ERBB4: variants seen among roughly 807,000 people sequenced by gnomAD.
ERBB4 encodes the protein receptor tyrosine-protein kinase erbB-4.
A neutral mutation model predicts 158.0 loss-of-function variants in ERBB4; 42 were observed. The ratio of observed to expected loss-of-function variants is 0.27; its 90% CI spans 0.21 to 0.34. ERBB4 has a LOEUF of 0.34. Ranked by LOEUF, ERBB4 falls within the 10% of genes least tolerant of loss-of-function variation. The pLI is 1.00. For synonymous variants in ERBB4, 583 were observed against 558.7 expected (o/e 1.04, Z -0.61); for missense variants, 1,333 against 1,624.1 (o/e 0.82, Z 3.08).
At chr2:211,607,996 G>A (rs1277565680) in intron 19 of ERBB4, among the ~76,000 whole-genome samples, 1 of 151,046 alleles carries the variant, frequency 6.6e-6, no homozygotes, top group African/African-American at 2.4e-5. Flanking sequence ...AACAAGCTGG[G>A]ACTATAGGCA....
At chr2:211,999,854 G>A (rs1242694301) in intron 2 of ERBB4, among the ~76,000 whole-genome samples, 1 of 151,330 alleles carries the variant, frequency 6.6e-6, no homozygotes, top group Non-Finnish European at 1.5e-5. Flanking sequence ...TAGTTTGATG[G>A]TCAGCAATAG....
At chr2:212,237,514 G>T (rs1235133563) in intron 1 of ERBB4, among the ~76,000 whole-genome samples, 1 of 152,132 alleles carries the variant, frequency 6.6e-6, no homozygotes, top group Non-Finnish European at 1.5e-5. Context: ...GGTGTCTGTC[G>T]ACTCCTGCTG....
In ERBB4 at chr2:211,388,572, GT is replaced by G. The variant is rs1239077368; in HGVS notation, c.3136-581del. Among the ~76,000 whole-genome samples the G allele has an allele frequency of 1.2e-3, 165 of 137,370 alleles. 2 individuals carry two copies. The highest frequency in any genetic ancestry group is 5.9e-3 in the East Asian group (28 of 4,728). 90.1% of individuals were successfully genotyped at this position (137,370 alleles called of 152,430 possible). The stretch of plus-strand genomic sequence containing the variant: ...TTATCTTCAGTCTCACATTTTTTTT[GT>G]TTTTTTTTTTTAAGTTAAGAAAGAG... On this transcript the variant is annotated intron_variant, in intron 25 of 27. Transcript: ENST00000342788.
chr2:211,858,144 G>A (rs924332023), intron 3 of ERBB4, among the ~76,000 whole-genome samples: 1 of 152,184 alleles, frequency 6.6e-6, no homozygotes, highest in African/African-American at 2.4e-5. Flanking sequence ...AGAAGAAAGA[G>A]AGTGTGGAAG....
chr2:211,675,299 A>C (rs1007858005), intron 13 of ERBB4, among the ~76,000 whole-genome samples: 2 of 152,188 alleles, frequency 1.3e-5, no homozygotes, highest in Admixed American at 6.5e-5. Context: ...ATCAAGAGTG[A>C]ATACTCTGGG....
intron 2 of ERBB4, among the ~76,000 whole-genome samples, chr2:212,091,809 C>G (rs957764298): frequency 1.3e-5 from 2 of 152,030 alleles, no homozygotes; most frequent in Non-Finnish European, 2.9e-5. Context: ...TTGAAATAAA[C>G]TTGATTTCCT....
chr2:212,300,362 A>C (rs1364436730), intron 1 of ERBB4, among the ~76,000 whole-genome samples: 1 of 151,556 alleles, frequency 6.6e-6, no homozygotes, highest in Non-Finnish European at 1.5e-5. Context: ...AAACCAATCT[A>C]AGCAGTCAAA....
intron 1 of ERBB4, among the ~76,000 whole-genome samples, chr2:212,241,526 C>G (rs2106016144): frequency 6.6e-6 from 1 of 152,248 alleles, no homozygotes; most frequent in East Asian, 1.9e-4. Context: ...TAGCTATTAT[C>G]TTAGAAACTA....
chr2:211,595,227 C>A (rs961070267), intron 19 of ERBB4, among the ~76,000 whole-genome samples: 1 of 152,082 alleles, frequency 6.6e-6, no homozygotes, highest in Non-Finnish European at 1.5e-5. Flanking sequence ...AAGCAAACAA[C>A]TTGGAGAATT....
In ERBB4 at chr2:212,510,257, T is replaced by C. The variant is rs891237215; in HGVS notation, c.82+28192A>G. On this transcript the variant is annotated intron_variant, in intron 1 of 27. Transcript: ENST00000342788. ...TAACTACTCCCATCCAATGTATTCA[T>C]ACAACAACTTGAGTGATTTCCAATA... Among the ~76,000 whole-genome samples the C allele has an allele frequency of 6.8e-5, 10 of 146,120 alleles. No homozygotes were observed. In the South Asian group the frequency reaches 8.7e-4, roughly 13 times the overall value.
intron 18 of ERBB4, among the ~76,000 whole-genome samples, chr2:211,622,830 G>A (rs1174732859): frequency 1.3e-5 from 2 of 150,464 alleles, no homozygotes; most frequent in South Asian, 2.1e-4. Flanking sequence ...AGGCATGGTG[G>A]TGAGTGCCTG....
chr2:211,903,294 A>T (rs1341858906), intron 3 of ERBB4, among the ~76,000 whole-genome samples: 1 of 152,124 alleles, frequency 6.6e-6, no homozygotes, highest in Non-Finnish European at 1.5e-5. Context: ...ATGTTAAATT[A>T]AATATCATAT....
chr2:212,204,618 A>C (rs772672068), intron 1 of ERBB4, among the ~76,000 whole-genome samples: 6 of 151,236 alleles, frequency 4.0e-5, no homozygotes, highest in Non-Finnish European at 2.9e-5. Flanking sequence ...AATTGCGTGA[A>C]CCTTGGAGGC....
intron 1 of ERBB4, among the ~76,000 whole-genome samples, chr2:212,289,386 G>GAATGATTAGATTAGAT (rs2086121632): frequency 6.6e-6 from 1 of 152,090 alleles, no homozygotes; most frequent in Non-Finnish European, 1.5e-5. Context: ...GTTACATTCA[G>GAATGATTAGATTAGAT]CAGATTAGAA....
chr2:212,241,019 T>C (rs546979608), intron 1 of ERBB4, among the ~76,000 whole-genome samples: 2 of 152,206 alleles, frequency 1.3e-5, no homozygotes, highest in Non-Finnish European at 2.9e-5. Flanking sequence ...AATGCTTTCT[T>C]GAAATCAGAT....
intron 1 of ERBB4, among the ~76,000 whole-genome samples, chr2:212,293,822 T>C (rs1480287599): frequency 4.4e-5 from 5 of 113,476 alleles, no homozygotes; most frequent in African/African-American, 1.7e-4. Context: ...CACTCCAGCC[T>C]GGGTGACAGA....
intron 2 of ERBB4, among the ~76,000 whole-genome samples, chr2:211,968,401 T>C (rs528717990): frequency 6.6e-6 from 1 of 152,192 alleles, no homozygotes; most frequent in African/African-American, 2.4e-5. Flanking sequence ...TAAGAGCATA[T>C]GTTTTAATGC....
At chr2:212,440,683 A>T (rs2092235160) in intron 1 of ERBB4, among the ~76,000 whole-genome samples, 1 of 152,146 alleles carries the variant, frequency 6.6e-6, no homozygotes, top group South Asian at 2.1e-4. Flanking sequence ...TTCTAATCAT[A>T]TGGAGAACAC....
intron 3 of ERBB4, among the ~76,000 whole-genome samples, chr2:211,803,420 T>C (rs541963960): frequency 1.1e-4 from 17 of 152,178 alleles, no homozygotes; most frequent in Non-Finnish European, 2.1e-4. Context: ...TTAAACACTC[T>C]GTCAGAAACA....
Sources: gnomAD v4.1 joint callset for allele counts (sites outside exome capture counted in the v4.1 genomes callset) on GRCh38, gnomAD v4.1.1 for gene constraint, MANE v1.5 for transcripts, NCBI Gene and HGNC (gene_info 2026-07-23, HGNC 2026-07-21) for gene names.